DLGAP1: variants seen among roughly 807,000 people sequenced by gnomAD.
The protein encoded by DLGAP1 is disks large-associated protein 1.
In DLGAP1, 11 loss-of-function variants were observed where a neutral mutation model predicts 90.8. The observed-to-expected ratio is 0.12, with a 90% CI of 0.08 to 0.20. The LOEUF is 0.20. Ranked by LOEUF, DLGAP1 falls within the 10% of genes least tolerant of loss-of-function variation. The pLI is 1.00. For missense variants in DLGAP1, 1,050 were observed against 1,333.8 expected, an observed-to-expected ratio of 0.79 and a Z score of 3.31; for synonymous variants, 558 against 540.7, an observed-to-expected ratio of 1.03 and a Z score of -0.44.
chr18:4,334,920 G>C (rs956364521), intron 1 of DLGAP1, among the ~76,000 whole-genome samples: 10 of 151,944 alleles, frequency 6.6e-5, no homozygotes, highest in Non-Finnish European at 1.3e-4. Flanking sequence ...AGAAAGCCAA[G>C]AGAAATCCTA....
chr18:3,615,588 T>C (rs1400714924), intron 7 of DLGAP1, among the ~76,000 whole-genome samples: 1 of 151,986 alleles, frequency 6.6e-6, no homozygotes, highest in Non-Finnish European at 1.5e-5. Context: ...AGTAGGAAAA[T>C]GGAGCCGATG....
intron 1 of DLGAP1, among the ~76,000 whole-genome samples, chr18:4,270,824 C>A (rs907111410): frequency 2.0e-5 from 3 of 152,162 alleles, no homozygotes; most frequent in African/African-American, 7.2e-5. Context: ...TTAGTGTGGG[C>A]ATTTCTGAGA....
At chr18:3,647,627 G>T (rs957924443) in intron 7 of DLGAP1, among the ~76,000 whole-genome samples, 5 of 152,034 alleles carry the variant, frequency 3.3e-5, no homozygotes, top group Middle Eastern at 3.4e-3. Flanking sequence ...CACCACGCCT[G>T]GCTAATTTTT....
intron 5 of DLGAP1, among the ~76,000 whole-genome samples, chr18:3,756,296 G>T (rs889425640): frequency 6.6e-6 from 1 of 151,990 alleles, no homozygotes; most frequent in African/African-American, 2.4e-5. Context: ...TGATCTGCTC[G>T]CCTCGGCCTT....
In DLGAP1 at chr18:4,109,107, G is replaced by A. The variant is rs973791447; in HGVS notation, c.-159+42073C>T. The stretch of plus-strand genomic sequence containing the variant: ...TGACCTGGAAATGATTATATTGTGG[G>A]AAGGATGTGCTAATTCCAGGTCCAG... On this transcript the variant is annotated intron_variant, in intron 2 of 12. Transcript: ENST00000315677. 2.6e-5 allele frequency among the ~76,000 whole-genome samples: 4 copies of A among 152,088 alleles called. No homozygotes were observed. In the South Asian group the frequency reaches 6.2e-4, roughly 24 times the overall value.
intron 7 of DLGAP1, among the ~76,000 whole-genome samples, chr18:3,592,399 C>T (rs1362062315): frequency 6.6e-6 from 1 of 152,208 alleles, no homozygotes; most frequent in Non-Finnish European, 1.5e-5. Context: ...TGGCTGGAGT[C>T]CTCCACCGGC....
chr18:3,827,926 T>A (rs1190493103), intron 4 of DLGAP1, among the ~76,000 whole-genome samples: 1 of 152,212 alleles, frequency 6.6e-6, no homozygotes, highest in Non-Finnish European at 1.5e-5. Flanking sequence ...CTGTTATTCA[T>A]CTTCATTCCT....
chr18:3,758,804 C>T (rs938387079), intron 5 of DLGAP1, among the ~76,000 whole-genome samples: 1 of 152,174 alleles, frequency 6.6e-6, no homozygotes, highest in South Asian at 2.1e-4. Context: ...AGATGCCCGA[C>T]TTTCTTCCTT....
chr18:3,905,176 G>C (rs964253785), intron 3 of DLGAP1, among the ~76,000 whole-genome samples: 1 of 150,998 alleles, frequency 6.6e-6, no homozygotes, highest in Non-Finnish European at 1.5e-5. Context: ...GACCTTCCTG[G>C]CTAACACAGT....
At chr18:4,336,356 C>T (rs1303190749) in intron 1 of DLGAP1, among the ~76,000 whole-genome samples, 1 of 152,162 alleles carries the variant, frequency 6.6e-6, no homozygotes, top group Non-Finnish European at 1.5e-5. Context: ...GTAGAAACAA[C>T]ACTTTGAGGA....
At chr18:4,155,526 A>G (rs1221712641) in intron 1 of DLGAP1, among the ~76,000 whole-genome samples, 1 of 152,180 alleles carries the variant, frequency 6.6e-6, no homozygotes, top group Admixed American at 6.5e-5. Flanking sequence ...GCTGTTTAGT[A>G]TATTTTCTGA....
intron 5 of DLGAP1, among the ~76,000 whole-genome samples, chr18:3,748,400 C>T (rs2063361136): frequency 6.6e-6 from 1 of 152,226 alleles, no homozygotes; most frequent in African/African-American, 2.4e-5. Context: ...CTGGAAATAA[C>T]TTCAGATGGC....
At chr18:4,280,886 G>A (rs2079534409) in intron 1 of DLGAP1, 1 of 152,138 alleles carries the variant, frequency 6.6e-6, no homozygotes. Flanking sequence ...TTTTTATGCT[G>A]TTGTTACTAA....
intron 5 of DLGAP1, among the ~76,000 whole-genome samples, chr18:3,790,131 C>T (rs2065658338): frequency 1.3e-5 from 2 of 151,842 alleles, no homozygotes; most frequent in Admixed American, 1.3e-4. Flanking sequence ...TCTCAGTCTC[C>T]AAAAAAAATT....
chr18:4,306,986 C>T (rs1049319175), intron 1 of DLGAP1, among the ~76,000 whole-genome samples: 1 of 152,160 alleles, frequency 6.6e-6, no homozygotes, highest in Admixed American at 6.5e-5. Context: ...AAAAGGCATA[C>T]AATTTGATTT....
At chr18:3,586,219 G>A (rs1011389870) in intron 7 of DLGAP1, among the ~76,000 whole-genome samples, 1 of 152,058 alleles carries the variant, frequency 6.6e-6, no homozygotes, top group Non-Finnish European at 1.5e-5. Flanking sequence ...CCCCAACTTC[G>A]AATAAGGGAG....
At chr18:3,771,154 T>A (rs1401936760) in intron 5 of DLGAP1, 3 of 152,168 alleles carry the variant, frequency 2.0e-5, no homozygotes, top group African/African-American at 7.2e-5. Context: ...AAGATTCCGA[T>A]AAGGAACGTG....
Position 3,876,907 on chromosome 18 carries a change from G to T in DLGAP1, c.957+2205C>A, listed in dbSNP as rs995663231. On this transcript the variant is annotated intron_variant, in intron 4 of 12. Transcript: ENST00000315677. Reference sequence around the variant, plus strand: ...TACTGAAAAACTTTAATAATAATATGCTTATTTTAAAGATTTTTATTTTCT... The same window carrying T: ...TACTGAAAAACTTTAATAATAATATTCTTATTTTAAAGATTTTTATTTTCT... Among the ~76,000 whole-genome samples the T allele has an allele frequency of 1.2e-4, 19 of 152,128 alleles. No homozygotes were observed. In the South Asian group the frequency reaches 3.7e-3, roughly 30 times the overall value.
intron 1 of DLGAP1, among the ~76,000 whole-genome samples, chr18:4,288,606 T>A (rs1024729823): frequency 6.6e-6 from 1 of 152,002 alleles, no homozygotes; most frequent in Non-Finnish European, 1.5e-5. Context: ...ATTTCATGGG[T>A]GGGTCTGGCT....
Sources: allele counts gnomAD v4.1 joint callset (sites outside exome capture counted in the v4.1 genomes callset), GRCh38; gene constraint gnomAD v4.1.1; transcripts MANE v1.5; gene names NCBI Gene and HGNC (gene_info 2026-07-23, HGNC 2026-07-21).